Variants in PASD1 observed in about 807,000 individuals in gnomAD.
PASD1 encodes PAS domain containing repressor 1, also known as circadian clock protein PASD1.
A neutral mutation model predicts 58.8 loss-of-function variants in PASD1; 13 were observed. That is an observed-to-expected ratio of 0.22 (90% CI 0.14 to 0.35). PASD1 has a LOEUF of 0.35. PASD1 is among the 10% of genes least tolerant of loss of function. The pLI, the probability that PASD1 is intolerant of heterozygous loss-of-function variation, is 1.00. For missense variants in PASD1, 734 were observed against 568.3 expected (o/e 1.29, Z -2.96); for synonymous variants, 236 against 216.7 (o/e 1.09, Z -0.78).
Position 151,648,598 on chromosome X carries a change from TTTTTTCCTATTTATAG to T in PASD1, c.630-15_630del, listed in dbSNP as rs761324777. The T allele has an allele frequency of 7.5e-6, 9 of 1,198,698 alleles. No homozygotes were observed. The highest frequency in any genetic ancestry group is 1.0e-5 in the Non-Finnish European group (9 of 884,991). On this transcript the variant is annotated splice_acceptor_variant and splice_polypyrimidine_tract_variant and intron_variant, in intron 8 of 15. Transcript: ENST00000370357. LOFTEE classifies it high-confidence loss of function. ...GAGTGAGATATGCTTACCATCTCTCTTTTTTCCTATTTATAGTAGCTCTCAAGGTCAAAGAGGACAC... is the reference window on the plus strand; with the variant it reads ...GAGTGAGATATGCTTACCATCTCTCTTAGCTCTCAAGGTCAAAGAGGACAC...
chrX:151,627,332 T>G (rs1209611285), intron 8 of PASD1, among the ~76,000 whole-genome samples: 1 of 110,148 alleles, frequency 9.1e-6, no homozygotes, highest in Non-Finnish European at 1.9e-5. Context: ...ATTAGGTATA[T>G]CTCCTAATGC....
At chrX:151,630,877 G>A (rs1053673493) in intron 8 of PASD1, among the ~76,000 whole-genome samples, 2 of 112,322 alleles carry the variant, frequency 1.8e-5, no homozygotes, top group African/African-American at 6.5e-5. Context: ...TCAGGAGAGG[G>A]CCTGAACAGC....
rs955549203 is a variant in PASD1, at chrX:151,599,095, C to G, written c.-27-2432C>G. On this transcript the variant is annotated intron_variant, in intron 1 of 15. Coordinates refer to ENST00000370357, the MANE Select transcript of PASD1 (RefSeq NM_173493.3). Reference sequence around the variant, plus strand: ...TTGCACCGCCCTTAATCCATTTAACCCTTAGTGGACACAGCATATGTTTCA... The same window carrying G: ...TTGCACCGCCCTTAATCCATTTAACGCTTAGTGGACACAGCATATGTTTCA... 2.7e-5 allele frequency among the ~76,000 whole-genome samples: 3 copies of G among 111,896 alleles called. No individual in the cohort carries two copies. In the Admixed American group the frequency reaches 2.8e-4, roughly 11 times the overall value.
rs1383184506 is a variant in PASD1 at position 151,676,120 on chromosome X, C to T, written c.2299C>T (p.Arg767Cys). ...EQTRLMPAEQ[R>C]DSNKPC Reference sequence around the variant, plus strand: ...GACCAGATTGATGCCTGCAGAGCAACGTGACTCAAATAAGCCGTGCTAACA... The same window carrying T: ...GACCAGATTGATGCCTGCAGAGCAATGTGACTCAAATAAGCCGTGCTAACA... Residue 767 changes from arginine (R) to cysteine (C), a missense_variant, in exon 16 of 16, where the codon CGT becomes TGT. By Grantham distance (180) the Arg-to-Cys change is radical (BLOSUM62 -3). Transcript: ENST00000370357. The T allele has an allele frequency of 9.9e-6, 12 of 1,207,892 alleles. No individual in the cohort carries two copies. Among genetic ancestry groups the T allele is most frequent in the South Asian group, 1.8e-5 (1 of 56,166 alleles).
chrX:151,609,090 T>G (rs2013520949), intron 3 of PASD1, among the ~76,000 whole-genome samples: 1 of 111,587 alleles, frequency 9.0e-6, no homozygotes, highest in Non-Finnish European at 1.9e-5. Flanking sequence ...TTCTACTTTT[T>G]GGGGTTCATT....
chrX:151,580,515 T>C (rs951862834), intron 1 of PASD1, among the ~76,000 whole-genome samples: 2 of 107,632 alleles, frequency 1.9e-5, no homozygotes, highest in African/African-American at 3.4e-5. Context: ...TTTCTTTTTT[T>C]TTTTTTTTTT....
intron 8 of PASD1, among the ~76,000 whole-genome samples, chrX:151,642,718 C>CT: frequency 8.9e-6 from 1 of 112,354 alleles, no homozygotes; most frequent in South Asian, 3.7e-4. Flanking sequence ...TCTGATAAAA[C>CT]TTAATGACTT....
In PASD1 at chrX:151,676,075, C is replaced by T. The variant is rs761980597; in HGVS notation, c.2254C>T (p.Gln752Ter). ...AGGCCCTGCTGCATACCAGCCAGAC[C>T]AGATGAGATCTGCGGAGCAGACCAG... is the stretch of plus-strand genomic sequence containing the variant. ...FQGPAAYQPDQMRSAEQTRLM... is the reference protein window; with the variant it reads ...FQGPAAYQPD The change falls in exon 16 of 16, where the codon CAG (glutamine) becomes TAG (stop). Residue 752 changes from glutamine (Q) to a stop codon, truncating the protein, a stop_gained. Transcript: ENST00000370357. LOFTEE classifies it low-confidence loss of function (END_TRUNC). 3.3e-6 allele frequency: 4 copies of T among 1,211,112 alleles called. No individual in the cohort carries two copies. The highest frequency in any genetic ancestry group is 4.5e-6 in the Non-Finnish European group (4 of 895,099).
chrX:151,659,173 C>A (rs955964560), intron 9 of PASD1, among the ~76,000 whole-genome samples: 5 of 112,298 alleles, frequency 4.5e-5, no homozygotes, highest in Non-Finnish European at 9.4e-5. Flanking sequence ...TAAAGACATG[C>A]AATAGTTGTT....
At chrX:151,650,501 A>C (rs867634) in intron 9 of PASD1, among the ~76,000 whole-genome samples, 26,407 of 110,450 alleles carry the variant, frequency 0.24, 2,585 homozygotes, top group Non-Finnish European at 0.31. Flanking sequence ...TTACAATGAA[A>C]AATATAGCTT....
intron 1 of PASD1, among the ~76,000 whole-genome samples, chrX:151,572,716 C>T (rs1052315119): frequency 1.8e-5 from 2 of 109,945 alleles, no homozygotes. Context: ...CTATCAAATT[C>T]TTAATTAAAT....
At chrX:151,589,295 A>G (rs2013214455) in intron 1 of PASD1, among the ~76,000 whole-genome samples, 1 of 111,449 alleles carries the variant, frequency 9.0e-6, no homozygotes, top group South Asian at 3.8e-4. Context: ...TATTCATGAC[A>G]TGTTAGACTT....
chrX:151,608,384 C>G (rs1453345335), intron 3 of PASD1, among the ~76,000 whole-genome samples: 1 of 111,424 alleles, frequency 9.0e-6, no homozygotes, highest in Non-Finnish European at 1.9e-5. Flanking sequence ...TGGTATTGTT[C>G]TTTCTAATTA....
intron 14 of PASD1, 102 bp from the exon 15 acceptor site, chrX:151,673,826 C>CA: frequency 9.5e-7 from 1 of 1,053,874 alleles, no homozygotes; most frequent in Non-Finnish European, 1.3e-6. Flanking sequence ...GTGTAGCCAC[C>CA]AAAACCAAAT....
At chrX:151,607,385 C>G (rs1275004893) in intron 3 of PASD1, among the ~76,000 whole-genome samples, 3 of 111,861 alleles carry the variant, frequency 2.7e-5, no homozygotes, top group African/African-American at 9.8e-5. Context: ...CACTAGAAAT[C>G]TGTTTTAGCT....
intron 1 of PASD1, among the ~76,000 whole-genome samples, chrX:151,588,671 C>T (rs2013204222): frequency 8.9e-6 from 1 of 111,947 alleles, no homozygotes; most frequent in Non-Finnish European, 1.9e-5. Flanking sequence ...GGCAACCCCA[C>T]AGAGATTCCT....
chrX:151,568,491 A>G (rs1002737017), intron 1 of PASD1, among the ~76,000 whole-genome samples: 1 of 112,153 alleles, frequency 8.9e-6, no homozygotes, highest in Admixed American at 9.5e-5. Context: ...GGCACACGAT[A>G]TTATTCAATC....
intron 1 of PASD1, among the ~76,000 whole-genome samples, chrX:151,568,288 C>T (rs1018243258): frequency 2.7e-5 from 3 of 111,586 alleles, no homozygotes; most frequent in Non-Finnish European, 5.6e-5. Context: ...ATGTTTTGGA[C>T]GTTGATGAGT....
At chrX:151,666,834 A>G (rs1346230014) in intron 11 of PASD1, among the ~76,000 whole-genome samples, 10 of 106,145 alleles carry the variant, frequency 9.4e-5, no homozygotes, top group Non-Finnish European at 1.9e-4. Flanking sequence ...GAATAGTGCC[A>G]CAATAAACAT....
Sources: allele counts gnomAD v4.1 joint callset (sites outside exome capture counted in the v4.1 genomes callset), GRCh38; gene constraint gnomAD v4.1.1; transcripts MANE v1.5; gene names NCBI Gene and HGNC (gene_info 2026-07-23, HGNC 2026-07-21).